Variants in PCCA observed in about 807,000 individuals in gnomAD.
PCCA encodes propionyl-CoA carboxylase alpha chain, mitochondrial.
In PCCA, 74 loss-of-function variants were observed where a neutral mutation model predicts 101.3. That is an observed-to-expected ratio of 0.73 (90% CI 0.61 to 0.89). PCCA has a LOEUF of 0.89. PCCA is among the 40% of genes least tolerant of loss of function. PCCA has a pLI of 0.00. For synonymous variants in PCCA, 294 were observed against 313.6 expected (o/e 0.94, Z 0.66); for missense variants, 891 against 907.0 (o/e 0.98, Z 0.23).
At chr13:100,388,036 T>G (rs1415287423) in intron 19 of PCCA, among the ~76,000 whole-genome samples, 2 of 152,210 alleles carry the variant, frequency 1.3e-5, no homozygotes, top group Non-Finnish European at 1.5e-5. Context: ...CTGAAGAATT[T>G]TATTTAGAAT....
intron 17 of PCCA, among the ~76,000 whole-genome samples, chr13:100,338,907 A>T (rs934885779): frequency 6.6e-6 from 1 of 151,826 alleles, no homozygotes; most frequent in African/African-American, 2.4e-5. Flanking sequence ...TTTTAGTCTT[A>T]TTTGTATTTT....
intron 19 of PCCA, among the ~76,000 whole-genome samples, chr13:100,388,194 T>G (rs1448504483): frequency 2.0e-5 from 3 of 152,194 alleles, no homozygotes; most frequent in African/African-American, 7.2e-5. Context: ...GTTGGCTGGG[T>G]ACAGTGGCTC....
intron 5 of PCCA, among the ~76,000 whole-genome samples, chr13:100,155,568 C>T (rs960228382): frequency 4.6e-5 from 7 of 152,172 alleles, no homozygotes; most frequent in South Asian, 2.1e-4. Context: ...GTAGAATGCT[C>T]ATAATTTACA....
intron 6 of PCCA, 150 bp from the exon 7 acceptor site, chr13:100,209,182 A>G: frequency 1.5e-6 from 1 of 657,432 alleles, no homozygotes; most frequent in Non-Finnish European, 2.7e-6. Context: ...TATGCAATAT[A>G]GTATTTTAAT....
chr13:100,152,826 AAATT>A (rs755597162), intron 4 of PCCA, among the ~76,000 whole-genome samples: 37 of 152,214 alleles, frequency 2.4e-4, no homozygotes, highest in Non-Finnish European at 3.7e-4. Context: ...AAAAGGGTGA[AAATT>A]ATATATGCGG....
rs111388612 is a variant in PCCA, at chr13:100,452,105, T to C, written c.1899+2800T>C. ...TCTTCCTCCTCTTCCTCCTCTTCCT[T>C]TCTCTCTCTCCTCTTCTTCCTCTCC... On this transcript the variant is annotated intron_variant, in intron 21 of 23. Coordinates refer to ENST00000376285, the MANE Select transcript of PCCA (RefSeq NM_000282.4). Among the ~76,000 whole-genome samples, 369 of 62,866 alleles carry C rather than the reference T, an allele frequency of 5.9e-3. 3 individuals are homozygous for C. The highest frequency in any genetic ancestry group is 0.022 in the African/African-American group (337 of 15,034). 41.2% of individuals were successfully genotyped at this position (62,866 alleles called of 152,430 possible).
At chr13:100,421,408 G>A (rs2078744663) in intron 19 of PCCA, among the ~76,000 whole-genome samples, 1 of 151,982 alleles carries the variant, frequency 6.6e-6, no homozygotes, top group Non-Finnish European at 1.5e-5. Flanking sequence ...ATAGCACACT[G>A]TATACACTAT....
intron 8 of PCCA, among the ~76,000 whole-genome samples, chr13:100,256,807 G>C (rs967328494): frequency 6.6e-6 from 1 of 152,122 alleles, no homozygotes; most frequent in East Asian, 1.9e-4. Context: ...CTTGTTTTTA[G>C]AAAACATCTA....
intron 19 of PCCA, among the ~76,000 whole-genome samples, chr13:100,404,090 C>T (rs981507018): frequency 2.0e-5 from 3 of 152,154 alleles, no homozygotes; most frequent in African/African-American, 4.8e-5. Flanking sequence ...CAGAAGGGGC[C>T]GTTGTCAGAG....
chr13:100,502,926 G>C (rs910924319), intron 21 of PCCA, among the ~76,000 whole-genome samples: 3 of 152,230 alleles, frequency 2.0e-5, no homozygotes, highest in East Asian at 1.9e-4. Context: ...TCAGTGCAGC[G>C]TTGGGAAAGG....
chr13:100,263,806 C>CGGTATCTGTATATCATAT (rs1566821601), intron 10 of PCCA, among the ~76,000 whole-genome samples: 7 of 133,652 alleles, frequency 5.2e-5, no homozygotes, highest in Non-Finnish European at 1.2e-4. Context: ...ATCATATATA[C>CGGTATCTGTATATCATAT]AGTATCTGTA....
intron 21 of PCCA, among the ~76,000 whole-genome samples, chr13:100,486,369 AT>A (rs1240932767): frequency 1.3e-5 from 2 of 152,230 alleles, no homozygotes; most frequent in African/African-American, 4.8e-5. Flanking sequence ...GTTTCCGAAG[AT>A]TTATGTCAGT....
At chr13:100,274,728 A>T (rs943209402) in intron 12 of PCCA, among the ~76,000 whole-genome samples, 1 of 152,128 alleles carries the variant, frequency 6.6e-6, no homozygotes. Context: ...CACTAGTCAC[A>T]TTGGATTCAG....
chr13:100,243,590 T>C (rs573427976), intron 8 of PCCA, among the ~76,000 whole-genome samples: 237 of 152,332 alleles, frequency 1.6e-3, no homozygotes, highest in Non-Finnish European at 2.7e-3. Flanking sequence ...TAGGCTGTCC[T>C]TGTGTTCATT....
rs2088315903 is a variant in PCCA, at chr13:100,530,348, T to C, written c.*182T>C. 1.5e-6 allele frequency: 1 copy of C among 659,114 alleles called. No homozygotes were observed. The highest frequency in any genetic ancestry group is 2.8e-6 in the Non-Finnish European group (1 of 362,442). 40.8% of individuals were successfully genotyped at this position (659,114 alleles called of 1,614,324 possible). A position where few individuals can be genotyped will look rare whatever the true frequency, so the allele number is the denominator to read the frequency against. On this transcript the variant is annotated 3_prime_UTR_variant, in exon 24 of 24. Coordinates refer to ENST00000376285, the MANE Select transcript of PCCA (RefSeq NM_000282.4). Reference sequence around the variant, plus strand: ...AATCACCAATGGAAATTTTCATTGATATAAATACTTGTACATATGATTTGT... The same window carrying C: ...AATCACCAATGGAAATTTTCATTGACATAAATACTTGTACATATGATTTGT...
Position 100,500,623 on chromosome 13 carries a change from C to A in PCCA, c.1900-14804C>A, listed in dbSNP as rs2085597550. Among the ~76,000 whole-genome samples the A allele has an allele frequency of 2.0e-5, 3 of 152,142 alleles. No homozygotes were observed. In the South Asian group the frequency reaches 6.2e-4, roughly 32 times the overall value. On this transcript the variant is annotated intron_variant, in intron 21 of 23. Transcript: ENST00000376285. ...AGATAGTGAGCACGGTGGTATTCTC[C>A]AGTCTCAGAATATTAAGGTTACTTA... is the stretch of plus-strand genomic sequence containing the variant.
chr13:100,128,396 G>A (rs528075742), intron 4 of PCCA, among the ~76,000 whole-genome samples: 5 of 152,168 alleles, frequency 3.3e-5, no homozygotes, highest in Non-Finnish European at 7.4e-5. Context: ...GACTGGAAGT[G>A]ATAGGATTGC....
intron 21 of PCCA, among the ~76,000 whole-genome samples, chr13:100,468,935 G>C (rs1424417066): frequency 2.6e-5 from 4 of 152,032 alleles, no homozygotes; most frequent in Non-Finnish European, 4.4e-5. Flanking sequence ...CCTTTGACTG[G>C]GCGCGGTGGT....
intron 20 of PCCA, among the ~76,000 whole-genome samples, chr13:100,431,815 G>C (rs917330068): frequency 6.6e-6 from 1 of 152,022 alleles, no homozygotes; most frequent in Non-Finnish European, 1.5e-5. Context: ...GCAGTGAGCT[G>C]AGATCGCGCC....
Sources: allele counts gnomAD v4.1 joint callset (sites outside exome capture counted in the v4.1 genomes callset), GRCh38; gene constraint gnomAD v4.1.1; transcripts MANE v1.5; gene names NCBI Gene and HGNC (gene_info 2026-07-23, HGNC 2026-07-21).